The following CARD8 variants were observed in gnomAD, a reference collection of about 807,000 sequenced individuals.
CARD8 encodes the protein caspase recruitment domain family member 8, also known as caspase recruitment domain-containing protein 8.
A neutral mutation model predicts 53.2 loss-of-function variants in CARD8; 38 were observed. That is an observed-to-expected ratio of 0.71 (90% CI 0.55 to 0.94). The LOEUF (loss-of-function observed/expected upper bound fraction) is 0.94. Ranked by LOEUF, CARD8 falls within the 40% of genes least tolerant of loss-of-function variation. The pLI is 0.00. For synonymous variants in CARD8, 245 were observed against 244.9 expected (o/e 1.00, Z 0.00); for missense variants, 561 against 655.5 (o/e 0.86, Z 1.57).
At position 48,218,955 on chromosome 19, in the gene CARD8, C is replaced by A. The variant is rs1444039062; in HGVS notation, c.1219G>T (p.Ala407Ser). Residue 407 changes from alanine to serine, a missense_variant, in exon 12 of 14, where the codon GCT becomes TCT. By Grantham distance (99) the Ala-to-Ser change is moderately conservative. Coordinates refer to ENST00000651546, the MANE Select transcript of CARD8 (RefSeq NM_001184900.3). ...GEIQHFSKFY[A>S]GQMKEPIQLE... is the part of the protein sequence containing the mutation. ...TGAATGGGTTCCTTCATCTGCCCAG[C>A]ATAGAATTTTGAGAAGTGCTGAATT... 1.2e-6 allele frequency: 2 copies of A among 1,613,908 alleles called. No individual in the cohort carries two copies. Among genetic ancestry groups the A allele is most frequent in the Non-Finnish European group, 1.7e-6 (2 of 1,179,818 alleles).
chr19:48,228,253 A>G (rs1199764721), intron 10 of CARD8, among the ~76,000 whole-genome samples: 1 of 152,230 alleles, frequency 6.6e-6, no homozygotes, highest in Non-Finnish European at 1.5e-5. Flanking sequence ...TTCATCATAT[A>G]TTACAATGTA....
chr19:48,252,836 CATAT>C (rs1463576634), intron 1 of CARD8, among the ~76,000 whole-genome samples: 1 of 150,004 alleles, frequency 6.7e-6, no homozygotes, highest in African/African-American at 2.4e-5. Flanking sequence ...CACACACACA[CATAT>C]GTGTATACAT....
At chr19:48,217,479 C>T (rs2039572650) in intron 12 of CARD8, among the ~76,000 whole-genome samples, 1 of 152,176 alleles carries the variant, frequency 6.6e-6, no homozygotes. Flanking sequence ...TCACTGCATA[C>T]AACTTATCTT....
At chr19:48,218,722 C>A in intron 12 of CARD8, 149 bp downstream of exon 12, 1 of 818,346 alleles carries the variant, frequency 1.2e-6, no homozygotes, top group East Asian at 2.5e-5. Context: ...TGTTGTTCCC[C>A]TCCCTGTGTC....
downstream of CARD8, among the ~76,000 whole-genome samples, chr19:48,205,166 A>G (rs544654470): frequency 1.5e-4 from 23 of 152,362 alleles, no homozygotes; most frequent in African/African-American, 5.5e-4. Context: ...ACTGTGTGCC[A>G]GAGACTATGC....
At chr19:48,214,851 C>T (rs182152589) in intron 13 of CARD8, among the ~76,000 whole-genome samples, 1 of 137,166 alleles carries the variant, frequency 7.3e-6, no homozygotes, top group African/African-American at 2.9e-5. Flanking sequence ...TGCAGTGGTG[C>T]GATCTCAGCT....
intron 5 of CARD8, among the ~76,000 whole-genome samples, chr19:48,235,748 T>G (rs527976081): frequency 1.3e-5 from 2 of 152,198 alleles, no homozygotes; most frequent in African/African-American, 4.8e-5. Context: ...CAGTGAACAC[T>G]TCCATCAGCT....
rs1360125785 is a variant in CARD8, at chr19:48,211,558, G to A, written c.*152C>T. On this transcript the variant is annotated 3_prime_UTR_variant, in exon 14 of 14. Transcript: ENST00000651546. ...ATGAGGATACAGTCAATAGGTACAT[G>A]CCAGGTTACAAGTCTGTCCTGAAAG... 2 of 687,312 alleles carry A rather than the reference G, an allele frequency of 2.9e-6. No individual in the cohort carries two copies. Among genetic ancestry groups the A allele is most frequent in the African/African-American group, 3.6e-5 (2 of 56,018 alleles). 42.6% of individuals were successfully genotyped at this position (687,312 alleles called of 1,614,324 possible).
At chr19:48,244,438 T>C (rs1194803494) in intron 3 of CARD8, among the ~76,000 whole-genome samples, 2 of 152,140 alleles carry the variant, frequency 1.3e-5, no homozygotes, top group Admixed American at 6.6e-5. Context: ...AGGGAGGAAG[T>C]GCAGAGTGAG....
intron 10 of CARD8, among the ~76,000 whole-genome samples, chr19:48,222,637 C>T (rs1306340112): frequency 2.0e-5 from 3 of 150,734 alleles, no homozygotes; most frequent in Admixed American, 6.6e-5. Flanking sequence ...TGCAGTGAGC[C>T]GAGATTGCGC....
intron 9 of CARD8, 30 bp downstream of exon 9, chr19:48,230,747 C>T: frequency 1.2e-6 from 2 of 1,612,814 alleles, no homozygotes; most frequent in Non-Finnish European, 1.7e-6. Flanking sequence ...ACCCCAGCGG[C>T]CCCCACAGCC....
At chr19:48,252,619 C>T (rs992732797) in intron 1 of CARD8, among the ~76,000 whole-genome samples, 4 of 151,686 alleles carry the variant, frequency 2.6e-5, no homozygotes, top group Admixed American at 6.6e-5. Context: ...TTCAGCCTTC[C>T]GAGTAGCTAG....
At chr19:48,253,213 G>C (rs890125279) in intron 1 of CARD8, among the ~76,000 whole-genome samples, 2 of 152,154 alleles carry the variant, frequency 1.3e-5, no homozygotes, top group Non-Finnish European at 2.9e-5. Context: ...GGGAGCTGCA[G>C]TGACTGGGAT....
intron 3 of CARD8, among the ~76,000 whole-genome samples, chr19:48,247,597 CAGTA>C (rs890228523): frequency 5.3e-5 from 8 of 151,276 alleles, no homozygotes; most frequent in African/African-American, 1.9e-4. Context: ...TATATATATA[CAGTA>C]ACACCACAGT....
intron 3 of CARD8, among the ~76,000 whole-genome samples, chr19:48,246,318 T>C (rs2046100386): frequency 6.6e-6 from 1 of 152,214 alleles, no homozygotes; most frequent in Non-Finnish European, 1.5e-5. Flanking sequence ...TTTGTTCCAA[T>C]GTTATCCTAT....
In CARD8 at chr19:48,230,555, G is replaced by A. The variant is rs146978558; in HGVS notation, c.918C>T (p.Ala306=). ...FSLMGILLRI[A]SGTRLSIPIT... ...TGGGGATGGAGAGGCGAGTCCCACT[G>A]GCGATCCGCAGCAGGATGCCCATCA... Residue 306 remains alanine (A), a synonymous_variant, in exon 10 of 14, where the codon GCC becomes GCT. Coordinates refer to ENST00000651546, the MANE Select transcript of CARD8 (RefSeq NM_001184900.3). 3.1e-6 allele frequency: 5 copies of A among 1,614,166 alleles called. No homozygotes were observed. Among genetic ancestry groups the A allele is most frequent in the Non-Finnish European group, 4.2e-6 (5 of 1,180,006 alleles).
At chr19:48,207,832 C>A (rs533486257), downstream of CARD8, among the ~76,000 whole-genome samples, 6 of 150,178 alleles carry the variant, frequency 4.0e-5, no homozygotes, top group South Asian at 1.3e-3. Flanking sequence ...GCCTCCCAGG[C>A]TCAAGTGATT....
downstream of CARD8, chr19:48,203,870 C>T: frequency 3.6e-6 from 1 of 274,060 alleles, no homozygotes. Flanking sequence ...CATTGGCCAC[C>T]TGTATCTCCT....
At chr19:48,242,254 C>G (rs2045292231) in intron 3 of CARD8, among the ~76,000 whole-genome samples, 1 of 152,114 alleles carries the variant, frequency 6.6e-6, no homozygotes, top group South Asian at 2.1e-4. Flanking sequence ...GACCTCGCTC[C>G]CGCTTTCTAC....
Sources: allele counts gnomAD v4.1 joint callset (sites outside exome capture counted in the v4.1 genomes callset), GRCh38; gene constraint gnomAD v4.1.1; transcripts MANE v1.5; gene names NCBI Gene and HGNC (gene_info 2026-07-23, HGNC 2026-07-21).